ZDHHC14: variants seen among roughly 807,000 people sequenced by gnomAD.
The protein encoded by ZDHHC14 is palmitoyltransferase ZDHHC14.
In ZDHHC14, 16 loss-of-function variants were observed where a neutral mutation model predicts 47.7. The observed-to-expected ratio is 0.34, with a 90% CI of 0.23 to 0.51. The LOEUF (loss-of-function observed/expected upper bound fraction) is 0.51, where lower values mean the gene tolerates loss of function less well. Among genes scored for constraint, ZDHHC14 ranks in the 20% least tolerant of loss-of-function variants. The pLI, the probability that ZDHHC14 is intolerant of heterozygous loss-of-function variation, is 0.97. For synonymous variants in ZDHHC14, 293 were observed against 278.9 expected (o/e 1.05, Z -0.50); for missense variants, 515 against 662.5 (o/e 0.78, Z 2.44).
intron 1 of ZDHHC14, among the ~76,000 whole-genome samples, chr6:157,425,767 C>T (rs1778205968): frequency 6.6e-6 from 1 of 152,198 alleles, no homozygotes; most frequent in Admixed American, 6.5e-5. Context: ...CCTGCAGCCT[C>T]ATCTGGCCAG....
rs183943927 is a variant in ZDHHC14, at chr6:157,460,348, A to G, written c.245+78082A>G. ...CATGAAGTTGAGACTGCAGTGAGCT[A>G]TGATCACACCACTGCACTCCAGCCT... On this transcript the variant is annotated intron_variant, in intron 1 of 8. Coordinates refer to ENST00000359775, the MANE Select transcript of ZDHHC14 (RefSeq NM_024630.3). Among the ~76,000 whole-genome samples, 572 of 136,102 alleles carry G rather than the reference A, an allele frequency of 4.2e-3. 2 individuals are homozygous for G. Among genetic ancestry groups the G allele is most frequent in the African/African-American group, 0.014 (545 of 37,748 alleles). The allele number at this position is 136,102 out of a possible 152,430, so 89.3% of individuals were successfully genotyped here. A position where few individuals can be genotyped will look rare whatever the true frequency, so the allele number is the denominator to read the frequency against.
chr6:157,671,173 A>G (rs1052644967), intron 8 of ZDHHC14, among the ~76,000 whole-genome samples: 1 of 152,204 alleles, frequency 6.6e-6, no homozygotes, highest in African/African-American at 2.4e-5. Context: ...TCTGATAAAG[A>G]GGAGGAGATA....
chr6:157,565,040 T>A (rs548697188), intron 2 of ZDHHC14, among the ~76,000 whole-genome samples: 23 of 151,884 alleles, frequency 1.5e-4, no homozygotes, highest in African/African-American at 5.1e-4. Flanking sequence ...AGCTCAGGAG[T>A]TCGAGGCCAG....
chr6:157,597,881 C>T (rs1159305089), intron 3 of ZDHHC14, among the ~76,000 whole-genome samples: 2 of 152,248 alleles, frequency 1.3e-5, no homozygotes, highest in African/African-American at 4.8e-5. Context: ...CTCCAGGCGC[C>T]CTCTGCAGGG....
At chr6:157,543,348 GTT>G (rs5881216) in intron 2 of ZDHHC14, among the ~76,000 whole-genome samples, 10,491 of 150,224 alleles carry the variant, frequency 0.07, 379 homozygotes, top group Middle Eastern at 0.092. Flanking sequence ...AACTTTTACA[GTT>G]TTTTTTTTTT....
chr6:157,475,115 C>T (rs556066541), intron 1 of ZDHHC14, among the ~76,000 whole-genome samples: 218 of 152,248 alleles, frequency 1.4e-3, no homozygotes, highest in Non-Finnish European at 2.4e-3. Flanking sequence ...ATCCAGTTTT[C>T]CTAGCATAAT....
rs1778877926 is a variant in ZDHHC14 at position 157,672,999 on chromosome 6, C to T, written c.1344C>T (p.Pro448=). The T allele has an allele frequency of 1.3e-6, 2 of 1,584,196 alleles. No individual in the cohort carries two copies. The highest frequency in any genetic ancestry group is 8.5e-7 in the Non-Finnish European group (1 of 1,169,856). Residue 448 remains proline (P), a synonymous_variant, in exon 9 of 9, where the codon CCC becomes CCT. Coordinates refer to ENST00000359775, the MANE Select transcript of ZDHHC14 (RefSeq NM_024630.3). ...CGCCCGATGAGGCGCCCTCGCCCCC[C>T]AGGCTACTGGCGGCGGGCAGCCCCC... The part of the protein sequence containing the change: ...FLTPDEAPSP[P]RLLAAGSPLA...
intron 1 of ZDHHC14, among the ~76,000 whole-genome samples, chr6:157,416,972 G>GTTTTTTGTTT (rs1777988836): frequency 4.4e-5 from 2 of 45,558 alleles, no homozygotes; most frequent in Non-Finnish European, 7.0e-5. Context: ...TGCCTGGCTA[G>GTTTTTTGTTT]TTTTTTTTTT....
chr6:157,460,248 A>T (rs919218786), intron 1 of ZDHHC14, among the ~76,000 whole-genome samples: 4 of 150,618 alleles, frequency 2.7e-5, no homozygotes, highest in African/African-American at 9.8e-5. Flanking sequence ...AAATGTAAAA[A>T]ATTAGCCAAG....
chr6:157,415,746 T>C (rs1777961011), intron 1 of ZDHHC14, among the ~76,000 whole-genome samples: 1 of 152,046 alleles, frequency 6.6e-6, no homozygotes, highest in South Asian at 2.1e-4. Context: ...TGGTAGCATG[T>C]GCCTGTAATC....
At chr6:157,517,256 A>G (rs1461804212) in intron 1 of ZDHHC14, among the ~76,000 whole-genome samples, 1 of 151,466 alleles carries the variant, frequency 6.6e-6, no homozygotes, top group Non-Finnish European at 1.5e-5. Context: ...CTTCCCAGGG[A>G]TGGGAGTGGT....
chr6:157,574,057 CA>C (rs1783204585), intron 2 of ZDHHC14, among the ~76,000 whole-genome samples: 1 of 151,776 alleles, frequency 6.6e-6, no homozygotes, highest in African/African-American at 2.4e-5. Context: ...TGGGTTTTCC[CA>C]AATGTGTTTG....
intron 5 of ZDHHC14, among the ~76,000 whole-genome samples, chr6:157,635,437 T>C (rs1776925242): frequency 6.6e-6 from 1 of 152,226 alleles, no homozygotes; most frequent in South Asian, 2.1e-4. Flanking sequence ...CCATGGCAAT[T>C]AATTATGAGG....
intron 1 of ZDHHC14, among the ~76,000 whole-genome samples, chr6:157,383,680 C>A (rs1476479932): frequency 6.6e-6 from 1 of 152,238 alleles, no homozygotes; most frequent in Non-Finnish European, 1.5e-5. Context: ...CAGTCCTTCT[C>A]ACACACAACT....
At chr6:157,430,311 T>G (rs1487525859) in intron 1 of ZDHHC14, among the ~76,000 whole-genome samples, 1 of 96,364 alleles carries the variant, frequency 1.0e-5, no homozygotes, top group African/African-American at 3.7e-5. Context: ...CAAGACTGTG[T>G]AAAAAAAAAA....
Position 157,385,029 on chromosome 6 carries a change from G to A in ZDHHC14, c.245+2763G>A, listed in dbSNP as rs151155830. ...ACTTCTGGCCTCAAGTGATCCTCCC[G>A]CCTTGGCCTCCCAAAGTGCTGGGAT... On this transcript the variant is annotated intron_variant, in intron 1 of 8. Coordinates refer to ENST00000359775, the MANE Select transcript of ZDHHC14 (RefSeq NM_024630.3). Among the ~76,000 whole-genome samples the A allele has an allele frequency of 2.7e-4, 41 of 152,248 alleles. No homozygotes were observed. The East Asian group carries it at 4.6e-3, about 17-fold the overall frequency.
intron 1 of ZDHHC14, among the ~76,000 whole-genome samples, chr6:157,452,195 T>C (rs1778818810): frequency 6.6e-6 from 1 of 152,066 alleles, no homozygotes; most frequent in Admixed American, 6.5e-5. Context: ...GTTTAACCGG[T>C]ATTTCCTAAC....
chr6:157,618,709 T>C (rs186329896), intron 3 of ZDHHC14, among the ~76,000 whole-genome samples: 2 of 152,270 alleles, frequency 1.3e-5, no homozygotes, highest in Admixed American at 1.3e-4. Context: ...TGGGCTCTTA[T>C]TCCAATTCTT....
intron 1 of ZDHHC14, among the ~76,000 whole-genome samples, chr6:157,490,768 A>G (rs1285134640): frequency 6.6e-6 from 1 of 152,224 alleles, no homozygotes; most frequent in East Asian, 1.9e-4. Context: ...GAATGAAGCC[A>G]CAGAGGGAGG....
Sources: allele counts gnomAD v4.1 joint callset (sites outside exome capture counted in the v4.1 genomes callset), GRCh38; gene constraint gnomAD v4.1.1; transcripts MANE v1.5; gene names NCBI Gene and HGNC (gene_info 2026-07-23, HGNC 2026-07-21).